The following USP45 variants were observed in gnomAD, a reference collection of about 807,000 sequenced individuals.
USP45 encodes ubiquitin specific peptidase 45.
Under a neutral mutation model 95.8 loss-of-function variants are expected in USP45, and 89 were observed. The ratio of observed to expected loss-of-function variants is 0.93; its 90% CI spans 0.78 to 1.11. The LOEUF (loss-of-function observed/expected upper bound fraction) is 1.11, where lower values mean the gene tolerates loss of function less well. USP45 is among the 50% of genes least tolerant of loss of function. USP45 has a pLI of 0.00. For missense variants in USP45, 898 were observed against 942.5 expected (o/e 0.95, Z 0.62); for synonymous variants, 281 against 316.2 (o/e 0.89, Z 1.18).
chr6:99,466,722 T>C lies in USP45; in HGVS notation c.1057A>G (p.Ile353Val). Reference protein sequence around the residue: ...EGVKMNFIDRIFIGELTSTVM... With the variant: ...EGVKMNFIDRVFIGELTSTVM... Reference sequence around the variant, plus strand: ...GTGCTAGTTAATTCACCAATAAAGATCCGATCTATGAAGTTCATTTTCACA... The same window carrying C: ...GTGCTAGTTAATTCACCAATAAAGACCCGATCTATGAAGTTCATTTTCACA... Residue 353 changes from isoleucine to valine, a missense_variant, in exon 11 of 18, where the codon ATC becomes GTC. Ile to Val is a conservative substitution (Grantham distance 29). Transcript: ENST00000500704. 6.2e-7 allele frequency: 1 copy of C among 1,613,594 alleles called. No individual in the cohort carries two copies. Among genetic ancestry groups the C allele is most frequent in the Non-Finnish European group, 8.5e-7 (1 of 1,179,744 alleles).
At chr6:99,488,327 T>G in intron 6 of USP45, 32 bp from the exon 7 acceptor site, 1 of 1,404,140 alleles carries the variant, frequency 7.1e-7, no homozygotes, top group South Asian at 1.3e-5. Context: ...GTCTTCAGAT[T>G]CAGTTAAAAT....
At position 99,466,748 on chromosome 6, in the gene USP45, CCTT is replaced by C. The variant is rs1362116629; in HGVS notation, c.1028_1030del (p.Glu343del). On this transcript the variant is annotated inframe_deletion, in exon 11 of 18. Coordinates refer to ENST00000500704, the MANE Select transcript of USP45 (RefSeq NM_001346022.3). ...CCGATCTATGAAGTTCATTTTCACA[CCTT>C]CTTTTCCATATGCTGTAAAAATCAT... is the stretch of plus-strand genomic sequence containing the variant. 1 of 1,613,148 alleles carries C rather than the reference CCTT, an allele frequency of 6.2e-7. No homozygotes were observed.
chr6:99,503,698 G>A (rs1797894573), intron 5 of USP45, 67 bp downstream of exon 5: 2 of 1,067,236 alleles, frequency 1.9e-6, no homozygotes, highest in Non-Finnish European at 2.7e-6. Flanking sequence ...TATTCTTTAT[G>A]AATTTATGAA....
At chr6:99,444,770 T>C (rs1267422485) in intron 14 of USP45, among the ~76,000 whole-genome samples, 1 of 152,168 alleles carries the variant, frequency 6.6e-6, no homozygotes, top group African/African-American at 2.4e-5. Context: ...GCCCATGTTT[T>C]CCCCTCACTC....
chr6:99,498,781 A>G (rs1796814819), intron 5 of USP45, among the ~76,000 whole-genome samples: 1 of 152,216 alleles, frequency 6.6e-6, no homozygotes, highest in Non-Finnish European at 1.5e-5. Flanking sequence ...GTGATATCAC[A>G]AAGGATTAAA....
chr6:99,453,751 G>T (rs1289991788), intron 13 of USP45, among the ~76,000 whole-genome samples: 1 of 152,146 alleles, frequency 6.6e-6, no homozygotes, highest in East Asian at 1.9e-4. Context: ...CTAAGGCCAA[G>T]AATTTGAGAC....
At chr6:99,483,657 T>G (rs961154303) in intron 7 of USP45, among the ~76,000 whole-genome samples, 1 of 151,218 alleles carries the variant, frequency 6.6e-6, no homozygotes, top group Non-Finnish European at 1.5e-5. Context: ...GCTAACAAGG[T>G]GAAACCCTGT....
intron 4 of USP45, among the ~76,000 whole-genome samples, chr6:99,504,838 A>G (rs1295750265): frequency 6.6e-6 from 1 of 152,204 alleles, no homozygotes; most frequent in African/African-American, 2.4e-5. Context: ...TAAACATCCA[A>G]CAACGTACAG....
At chr6:99,442,034 A>G (rs1781618372) in intron 15 of USP45, among the ~76,000 whole-genome samples, 1 of 152,190 alleles carries the variant, frequency 6.6e-6, no homozygotes, top group Non-Finnish European at 1.5e-5. Context: ...TGCTCCCTAC[A>G]ATGCCCAAAC....
At chr6:99,505,099 G>A (rs747452459) in intron 4 of USP45, among the ~76,000 whole-genome samples, 28 of 152,192 alleles carry the variant, frequency 1.8e-4, no homozygotes, top group Non-Finnish European at 7.4e-5. Context: ...ATAACTGCCA[G>A]GCTTCTAGCT....
chr6:99,512,550 C>T (rs1460953190), intron 1 of USP45, among the ~76,000 whole-genome samples: 1 of 152,134 alleles, frequency 6.6e-6, no homozygotes, highest in African/African-American at 2.4e-5. Context: ...TACTCTCCTG[C>T]CTGGTGGCTA....
chr6:99,466,142 A>C (rs1562353029), intron 11 of USP45, among the ~76,000 whole-genome samples: 1 of 151,950 alleles, frequency 6.6e-6, no homozygotes, highest in Non-Finnish European at 1.5e-5. Context: ...CAGCCTCCCG[A>C]GTCATTGGGA....
intron 7 of USP45, among the ~76,000 whole-genome samples, chr6:99,483,109 T>C (rs889783385): frequency 1.3e-5 from 2 of 152,156 alleles, no homozygotes; most frequent in African/African-American, 2.4e-5. Flanking sequence ...ATAAAACTAT[T>C]AGATCAAATG....
rs202240410 is a variant in USP45 at position 99,468,617 on chromosome 6, C to T, written c.935G>A (p.Arg312Gln). 3.9e-5 allele frequency: 62 copies of T among 1,596,036 alleles called. No individual in the cohort carries two copies. Among genetic ancestry groups the T allele is most frequent in the East Asian group, 2.2e-4 (10 of 44,560 alleles). ...TGCTTTTAGAATGCTAGCTTGTATTCGCTGTAAAACAAAGTTAATAGATTC... is the reference window on the plus strand; with the variant it reads ...TGCTTTTAGAATGCTAGCTTGTATTTGCTGTAAAACAAAGTTAATAGATTC... The part of the protein sequence containing the change: ...LDAVRTEETK[R>Q]IQASILKAFN... Residue 312 changes from arginine to glutamine, a missense_variant and splice_region_variant, in exon 10 of 18, where the codon CGA (arginine) becomes CAA (glutamine). Transcript: ENST00000500704.
At chr6:99,484,079 T>TC (rs1404201273) in intron 7 of USP45, among the ~76,000 whole-genome samples, 1 of 123,662 alleles carries the variant, frequency 8.1e-6, no homozygotes, top group Non-Finnish European at 1.6e-5. Context: ...CAAGCAATCC[T>TC]CCCGCCTCAG....
chr6:99,510,081 C>A, intron 2 of USP45, 40 bp downstream of exon 2: 2 of 1,462,926 alleles, frequency 1.4e-6, no homozygotes, highest in Admixed American at 3.4e-5. Context: ...ATTGTTATTT[C>A]TTCTCAACAC....
chr6:99,467,364 G>A (rs1788224698), intron 10 of USP45, among the ~76,000 whole-genome samples: 1 of 152,106 alleles, frequency 6.6e-6, no homozygotes, highest in South Asian at 2.1e-4. Flanking sequence ...ATAAAGGGCT[G>A]CATTATGCTA....
At chr6:99,472,130 G>T (rs770039803) in intron 9 of USP45, among the ~76,000 whole-genome samples, 1 of 151,342 alleles carries the variant, frequency 6.6e-6, no homozygotes, top group African/African-American at 2.4e-5. Context: ...AAGTGACAGG[G>T]ATATATTTTA....
In USP45 at chr6:99,472,957, A is replaced by G. The variant is rs140979391; in HGVS notation, c.933+3186T>C. Among the ~76,000 whole-genome samples the G allele has an allele frequency of 9.5e-4, 144 of 152,280 alleles. 1 individual carries two copies. The highest frequency in any genetic ancestry group is 3.3e-3 in the African/African-American group (136 of 41,570). On this transcript the variant is annotated intron_variant, in intron 9 of 17. Transcript: ENST00000500704. ...ACTCTAAGTATCAGTTCCTAGCTCT[A>G]AGAAAATGTGATCAAATACTAGCTA...
Sources: allele counts gnomAD v4.1 joint callset (sites outside exome capture counted in the v4.1 genomes callset), GRCh38; gene constraint gnomAD v4.1.1; transcripts MANE v1.5; gene names NCBI Gene and HGNC (gene_info 2026-07-23, HGNC 2026-07-21).